The following RPL21 variants were observed in gnomAD, a reference collection of about 807,000 sequenced individuals.
The protein encoded by RPL21 is large ribosomal subunit protein eL21.
In RPL21, 1 loss-of-function variant was observed where a neutral mutation model predicts 21.2. The observed-to-expected ratio is 0.05, with a 90% CI of 0.02 to 0.22. The LOEUF is 0.22. Ranked by LOEUF, RPL21 falls within the 10% of genes least tolerant of loss-of-function variation. RPL21 has a pLI of 1.00. For synonymous variants in RPL21, 52 were observed against 62.9 expected (o/e 0.83, Z 0.82); for missense variants, 113 against 199.4 (o/e 0.57, Z 2.61).
intron 1 of RPL21, among the ~76,000 whole-genome samples, chr13:27,252,323 G>A (rs926898757): frequency 1.3e-5 from 2 of 152,170 alleles, no homozygotes; most frequent in African/African-American, 2.4e-5. Context: ...TGAGTGAAGG[G>A]AAACATTTAG....
At chr13:27,254,345 G>A (rs1881787955) in intron 3 of RPL21, 64 bp downstream of exon 3, 3 of 862,260 alleles carry the variant, frequency 3.5e-6, no homozygotes, top group Non-Finnish European at 5.8e-6. Flanking sequence ...ATCTAGTGTA[G>A]GAATTCAAAT....
Position 27,256,348 on chromosome 13 carries a change from G to A in RPL21, c.393+14G>A. 6.2e-7 allele frequency: 1 copy of A among 1,608,918 alleles called. No homozygotes were observed. The highest frequency in any genetic ancestry group is 8.5e-7 in the Non-Finnish European group (1 of 1,175,738). On this transcript the variant is annotated intron_variant, in intron 5 of 5. Transcript: ENST00000311549. Reference sequence around the variant, plus strand: ...CTAAAGCGCCAGGTAAGAATTTGGTGTATATTTCATTGGTTCTGAGAGCAC... The same window carrying A: ...CTAAAGCGCCAGGTAAGAATTTGGTATATATTTCATTGGTTCTGAGAGCAC...
chr13:27,254,622 C>G (rs117827511), intron 3 of RPL21, among the ~76,000 whole-genome samples: 2 of 151,876 alleles, frequency 1.3e-5, no homozygotes, highest in Non-Finnish European at 2.9e-5. Context: ...TTGAACACCT[C>G]GGGTGATCTG....
intron 4 of RPL21, 40 bp from the exon 5 acceptor site, chr13:27,256,143 AT>A (rs1881892167): frequency 6.7e-7 from 1 of 1,496,474 alleles, no homozygotes; most frequent in Non-Finnish European, 9.2e-7. Flanking sequence ...TTTCTGTTAT[AT>A]TTTTGTTAAA....
rs1881784799 is a variant in RPL21 at position 27,254,301 on chromosome 13, A to G, written c.129+20A>G. 2 of 1,417,742 alleles carry G rather than the reference A, an allele frequency of 1.4e-6. No homozygotes were observed. The highest frequency in any genetic ancestry group is 3.3e-5 in the Admixed American group (2 of 59,774). The allele number at this position is 1,417,742 out of a possible 1,614,324, so 87.8% of individuals were successfully genotyped here. On this transcript the variant is annotated intron_variant, in intron 3 of 5. Coordinates refer to ENST00000311549, the MANE Select transcript of RPL21 (RefSeq NM_000982.4). ...ATCAAGGTAAACATAAAATTGGGAA[A>G]ATAACACTACAGAAGATAGAAAAGT...
chr13:27,256,459 C>G lies in RPL21; in HGVS notation c.417C>G (p.His139Gln). Reference protein sequence around the residue: ...KRQPAPPREAHFVRTNGKEPE... With the variant: ...KRQPAPPREAQFVRTNGKEPE... ...AGCCTGCTCCACCCAGAGAAGCACACTTTGTGAGAACCAATGGGAAGGAGC... is the reference window on the plus strand; with the variant it reads ...AGCCTGCTCCACCCAGAGAAGCACAGTTTGTGAGAACCAATGGGAAGGAGC... Residue 139 changes from histidine (H) to glutamine (Q), a missense_variant, in exon 6 of 6, where the codon CAC becomes CAG. Transcript: ENST00000311549. The G allele has an allele frequency of 6.3e-7, 1 of 1,579,736 alleles. No homozygotes were observed. The highest frequency in any genetic ancestry group is 8.7e-7 in the Non-Finnish European group (1 of 1,149,432).
At chr13:27,253,654 T>A in intron 1 of RPL21, 111 bp from the exon 2 acceptor site, 1 of 708,930 alleles carries the variant, frequency 1.4e-6, no homozygotes, top group Non-Finnish European at 2.6e-6. Context: ...GATCCAGCTT[T>A]CAGTTTGCAG....
At position 27,253,769 on chromosome 13, in the gene RPL21, T is replaced by A. The variant is rs780987564; in HGVS notation, c.-8T>A. On this transcript the variant is annotated 5_prime_UTR_variant, in exon 2 of 6. Transcript: ENST00000311549. ...TGTTCTGCTTTCTGGTTTCAGTAATTCGCCAAAATGACGAACACAAAGGGA... is the reference window on the plus strand; with the variant it reads ...TGTTCTGCTTTCTGGTTTCAGTAATACGCCAAAATGACGAACACAAAGGGA... The A allele has an allele frequency of 1.3e-6, 2 of 1,587,636 alleles. No individual in the cohort carries two copies. Among genetic ancestry groups the A allele is most frequent in the East Asian group, 4.5e-5 (2 of 44,726 alleles).
chr13:27,252,212 C>T (rs1881683956), intron 1 of RPL21, among the ~76,000 whole-genome samples: 1 of 152,066 alleles, frequency 6.6e-6, no homozygotes, highest in African/African-American at 2.4e-5. Flanking sequence ...AAATTTTGAC[C>T]CCACATGGTG....
At position 27,254,276 on chromosome 13, in the gene RPL21, A is replaced by G; in HGVS notation, c.124A>G (p.Ile42Val). 6.3e-7 allele frequency: 1 copy of G among 1,576,020 alleles called. No individual in the cohort carries two copies. The highest frequency in any genetic ancestry group is 8.7e-7 in the Non-Finnish European group (1 of 1,145,176). The change falls in exon 3 of 6, where the codon ATC becomes GTC. Residue 42 changes from isoleucine to valine, a missense_variant. Coordinates refer to ENST00000311549, the MANE Select transcript of RPL21 (RefSeq NM_000982.4). ...CTATAAGAAAGGTGATATTGTAGACATCAAGGTAAACATAAAATTGGGAAA... is the reference window on the plus strand; with the variant it reads ...CTATAAGAAAGGTGATATTGTAGACGTCAAGGTAAACATAAAATTGGGAAA... ...RIYKKGDIVD[I>V]KGMGTVQKGM...
chr13:27,253,919 C>A (rs1881765166), intron 2 of RPL21, 76 bp downstream of exon 2: 4 of 879,674 alleles, frequency 4.5e-6, no homozygotes, highest in Non-Finnish European at 7.8e-6. Context: ...TGTTGTAGTT[C>A]ATAGAATGTG....
chr13:27,255,051 A>G (rs1312675538), intron 3 of RPL21, 191 bp from the exon 4 acceptor site: 2 of 755,246 alleles, frequency 2.6e-6, no homozygotes, highest in Non-Finnish European at 2.4e-6. Context: ...ATTTAAATGT[A>G]TCTTGGCACT....
At chr13:27,255,430 TA>T (rs1566039313) in intron 4 of RPL21, 76 bp downstream of exon 4, 1 of 785,142 alleles carries the variant, frequency 1.3e-6, no homozygotes, top group Admixed American at 1.7e-5. Context: ...CAGTTGGACT[TA>T]TGTCTTTATT....
chr13:27,254,124 C>A (rs543836201), intron 2 of RPL21, 96 bp from the exon 3 acceptor site: 2 of 833,478 alleles, frequency 2.4e-6, no homozygotes, highest in African/African-American at 1.7e-5. Flanking sequence ...ATGTAACCAT[C>A]AAAAATGATA....
At chr13:27,253,098 CATT>C (rs1881724587) in intron 1 of RPL21, among the ~76,000 whole-genome samples, 1 of 152,214 alleles carries the variant, frequency 6.6e-6, no homozygotes, top group African/African-American at 2.4e-5. Flanking sequence ...TCTTTGTAGA[CATT>C]ACCTCAGCTA....
intron 3 of RPL21, 111 bp downstream of exon 3, chr13:27,254,392 ATTTTTTTTT>A (rs555263610): frequency 1.3e-4 from 37 of 286,824 alleles, no homozygotes; most frequent in Non-Finnish European, 2.2e-4. Flanking sequence ...TATAGAATGG[ATTTTTTTTT>A]TTTTTTTTTT....
At chr13:27,253,978 A>C (rs1457554284) in intron 2 of RPL21, 135 bp downstream of exon 2, 15 of 717,170 alleles carry the variant, frequency 2.1e-5, no homozygotes, top group African/African-American at 5.3e-5. Flanking sequence ...TTTCGTGATA[A>C]GGTAAATAAA....
chr13:27,253,985 T>C, intron 2 of RPL21, 142 bp downstream of exon 2: 1 of 710,160 alleles, frequency 1.4e-6, no homozygotes. Flanking sequence ...ATAAGGTAAA[T>C]AAATTACCAA....
chr13:27,252,380 G>C (rs1474028094), intron 1 of RPL21, among the ~76,000 whole-genome samples: 1 of 152,164 alleles, frequency 6.6e-6, no homozygotes, highest in Non-Finnish European at 1.5e-5. Flanking sequence ...ACAGAGTCGA[G>C]CAAACTGCAG....
Sources: gnomAD v4.1 joint callset for allele counts (sites outside exome capture counted in the v4.1 genomes callset) on GRCh38, gnomAD v4.1.1 for gene constraint, MANE v1.5 for transcripts, NCBI Gene and HGNC (gene_info 2026-07-23, HGNC 2026-07-21) for gene names.